The following GABRG3 variants were observed in gnomAD, a reference collection of about 807,000 sequenced individuals.
The protein encoded by GABRG3 is gamma-aminobutyric acid receptor subunit gamma-3.
In GABRG3, 25 loss-of-function variants were observed where a neutral mutation model predicts 48.8. That is an observed-to-expected ratio of 0.51 (90% CI 0.37 to 0.72). The LOEUF is 0.72. Ranked by LOEUF, GABRG3 falls within the 30% of genes least tolerant of loss-of-function variation. GABRG3 has a pLI of 0.00. For missense variants in GABRG3, 394 were observed against 577.9 expected (o/e 0.68, Z 3.26); for synonymous variants, 227 against 217.6 (o/e 1.04, Z -0.38).
intron 3 of GABRG3, among the ~76,000 whole-genome samples, chr15:27,075,267 A>C (rs1896892149): frequency 6.6e-6 from 1 of 152,216 alleles, no homozygotes; most frequent in East Asian, 1.9e-4. Flanking sequence ...GTTTATGCTA[A>C]TTTTAAGACA....
chr15:27,157,370 G>A (rs558854589), intron 3 of GABRG3, among the ~76,000 whole-genome samples: 2 of 152,150 alleles, frequency 1.3e-5, no homozygotes. Flanking sequence ...TCAAATACAG[G>A]AATCATAAGC....
intron 3 of GABRG3, among the ~76,000 whole-genome samples, chr15:27,221,408 T>A (rs963397459): frequency 6.6e-6 from 1 of 152,096 alleles, no homozygotes; most frequent in African/African-American, 2.4e-5. Context: ...ACCACATGAT[T>A]TGAAAAAGAG....
chr15:27,262,246 G>C (rs1427020411), intron 3 of GABRG3, among the ~76,000 whole-genome samples: 2 of 152,200 alleles, frequency 1.3e-5, no homozygotes, highest in African/African-American at 2.4e-5. Flanking sequence ...GCGTCTGTTT[G>C]CTGTTTTGAG....
intron 3 of GABRG3, chr15:27,157,714 A>G (rs1898469773): frequency 6.6e-6 from 1 of 152,242 alleles, no homozygotes; most frequent in South Asian, 2.1e-4. Flanking sequence ...TCTTACGCAG[A>G]CATATTGCAA....
At chr15:27,247,696 C>T (rs1455219056) in intron 3 of GABRG3, among the ~76,000 whole-genome samples, 1 of 152,150 alleles carries the variant, frequency 6.6e-6, no homozygotes, top group Non-Finnish European at 1.5e-5. Flanking sequence ...GAATTACGGT[C>T]TCACATGGCT....
chr15:27,359,110 TCTC>T (rs754074838), intron 5 of GABRG3, among the ~76,000 whole-genome samples: 3 of 152,158 alleles, frequency 2.0e-5, no homozygotes, highest in African/African-American at 7.2e-5. Flanking sequence ...GCCTCTCCCT[TCTC>T]CTATCCAGGT....
At chr15:27,439,240 G>A (rs1188762262) in intron 5 of GABRG3, among the ~76,000 whole-genome samples, 3 of 152,136 alleles carry the variant, frequency 2.0e-5, no homozygotes, top group Non-Finnish European at 2.9e-5. Context: ...CCTGGGGTGC[G>A]ACTTTCTTCT....
intron 9 of GABRG3, chr15:27,530,668 G>A (rs1346337492): frequency 4.2e-6 from 2 of 471,000 alleles, no homozygotes; most frequent in East Asian, 1.4e-4. Context: ...TAGATCTCTG[G>A]TGAGCCATCC....
chr15:27,079,985 G>T (rs1896966139), intron 3 of GABRG3, among the ~76,000 whole-genome samples: 1 of 152,164 alleles, frequency 6.6e-6, no homozygotes, highest in South Asian at 2.1e-4. Context: ...GGCTGGCTCA[G>T]GCTAAGCATC....
chr15:27,487,630 A>G (rs541786217), intron 6 of GABRG3, among the ~76,000 whole-genome samples: 3 of 152,320 alleles, frequency 2.0e-5, no homozygotes, highest in African/African-American at 7.2e-5. Flanking sequence ...GTTGGACTGT[A>G]TATACCAAAC....
intron 3 of GABRG3, among the ~76,000 whole-genome samples, chr15:27,216,750 T>TATTATTTATTTA (rs58685578): frequency 5.6e-5 from 7 of 125,870 alleles, no homozygotes; most frequent in Admixed American, 2.4e-4. Context: ...TTTTTTTATT[T>TATTATTTATTTA]TTTATTTATT....
At chr15:27,209,504 T>G (rs1416945491) in intron 3 of GABRG3, among the ~76,000 whole-genome samples, 1 of 152,124 alleles carries the variant, frequency 6.6e-6, no homozygotes, top group Non-Finnish European at 1.5e-5. Flanking sequence ...GCAAGCAATG[T>G]AAGAGGAAGA....
intron 3 of GABRG3, among the ~76,000 whole-genome samples, chr15:27,159,329 A>G (rs1475332442): frequency 6.6e-6 from 1 of 151,954 alleles, no homozygotes; most frequent in East Asian, 1.9e-4. Context: ...TAAAATTACA[A>G]AATTTGGCCA....
rs75492312 is a variant in GABRG3, at chr15:27,287,350, A to G, written c.271-39459A>G. On this transcript the variant is annotated intron_variant, in intron 3 of 9. Coordinates refer to ENST00000615808, the MANE Select transcript of GABRG3 (RefSeq NM_033223.5). The stretch of plus-strand genomic sequence containing the variant: ...GAGTTAAACTGAATCAAAAAGAAAA[A>G]AGAAACCCATTACTAAACAGTGATC... Among the ~76,000 whole-genome samples the G allele has an allele frequency of 3.8e-3, 573 of 152,306 alleles. 14 individuals are homozygous for G. In the East Asian group the frequency reaches 0.051, roughly 13 times the overall value.
intron 2 of GABRG3, among the ~76,000 whole-genome samples, chr15:27,020,033 C>T (rs2097755341): frequency 1.3e-5 from 2 of 152,066 alleles, no homozygotes; most frequent in South Asian, 2.1e-4. Context: ...TTACTGAGCA[C>T]CCACTATTTA....
chr15:27,103,748 C>A (rs1210460511), intron 3 of GABRG3, among the ~76,000 whole-genome samples: 3 of 152,140 alleles, frequency 2.0e-5, no homozygotes, highest in Admixed American at 2.0e-4. Flanking sequence ...TGAGGTCATT[C>A]TCTCAAGGTG....
At chr15:26,990,202 A>G (rs562074153) in intron 2 of GABRG3, among the ~76,000 whole-genome samples, 2 of 152,184 alleles carry the variant, frequency 1.3e-5, no homozygotes, top group Non-Finnish European at 2.9e-5. Flanking sequence ...CACTTCCAAA[A>G]TGTTCTCTGT....
intron 5 of GABRG3, among the ~76,000 whole-genome samples, chr15:27,397,128 T>C (rs1887324892): frequency 6.6e-6 from 1 of 152,162 alleles, no homozygotes. Flanking sequence ...AAAGATGAAG[T>C]TCATACTTCA....
chr15:27,170,642 G>C (rs924499447), intron 3 of GABRG3, among the ~76,000 whole-genome samples: 2 of 152,190 alleles, frequency 1.3e-5, no homozygotes, highest in African/African-American at 4.8e-5. Context: ...AAATGCCTCA[G>C]TTAATAAGTT....
Sources: allele counts gnomAD v4.1 joint callset (sites outside exome capture counted in the v4.1 genomes callset), GRCh38; gene constraint gnomAD v4.1.1; transcripts MANE v1.5; gene names NCBI Gene and HGNC (gene_info 2026-07-23, HGNC 2026-07-21).